The following NFIC variants were observed in gnomAD, a reference collection of about 807,000 sequenced individuals.
NFIC encodes nuclear factor 1 C-type.
Under a neutral mutation model 54.4 loss-of-function variants are expected in NFIC, and 12 were observed. The ratio of observed to expected loss-of-function variants is 0.22; its 90% confidence interval spans 0.14 to 0.36. NFIC has a LOEUF of 0.36. NFIC is among the 10% of genes least tolerant of loss of function. The probability of loss-of-function intolerance (pLI) is 1.00; values close to 1 mark genes in which losing one functional copy is unlikely to be tolerated. For synonymous variants in NFIC, 322 were observed against 319.2 expected, an observed-to-expected ratio of 1.01 and a Z score of -0.09; for missense variants, 575 against 718.2, an observed-to-expected ratio of 0.80 and a Z score of 2.28.
intron 1 of NFIC, among the ~76,000 whole-genome samples, chr19:3,381,180 A>T (rs1030510094): frequency 6.6e-6 from 1 of 152,024 alleles, no homozygotes. Context: ...GGCGGATCAG[A>T]GGTCAGGAGA....
At chr19:3,363,269 ATTTTTTTTTT>A (rs1178364391), upstream of NFIC, among the ~76,000 whole-genome samples, 1 of 36,696 alleles carries the variant, frequency 2.7e-5, no homozygotes, top group Admixed American at 3.7e-4. Context: ...ATATATATAT[ATTTTTTTTTT>A]TTTTTTTTTT....
rs376009686 is a variant in NFIC at position 3,383,678 on chromosome 19, C to T, written c.562+1435C>T. Reference sequence around the variant, plus strand: ...CCATCCAGGCCGTGTCTGGAGCACGCGTGAACCCCCACACACCCAGGGGCT... The same window carrying T: ...CCATCCAGGCCGTGTCTGGAGCACGTGTGAACCCCCACACACCCAGGGGCT... On this transcript the variant is annotated intron_variant, in intron 2 of 10. Transcript: ENST00000443272. Among the ~76,000 whole-genome samples, 48 of 152,284 alleles carry T rather than the reference C, an allele frequency of 3.2e-4. No homozygotes were observed. In the Middle Eastern group the frequency reaches 0.01, roughly 32 times the overall value.
intron 2 of NFIC, among the ~76,000 whole-genome samples, chr19:3,387,591 G>C (rs944183981): frequency 6.6e-6 from 1 of 152,152 alleles, no homozygotes; most frequent in African/African-American, 2.4e-5. Context: ...GGGCCACTCT[G>C]GATGGGGAGG....
At chr19:3,362,630 GGTGT>G (rs1237343398), upstream of NFIC, among the ~76,000 whole-genome samples, 2 of 151,968 alleles carry the variant, frequency 1.3e-5, no homozygotes, top group South Asian at 2.1e-4. Context: ...CGTAGTGTGT[GGTGT>G]GTGTGTCTAT....
intron 7 of NFIC, among the ~76,000 whole-genome samples, chr19:3,449,636 T>C (rs1599714218): frequency 1.3e-5 from 2 of 151,534 alleles, no homozygotes; most frequent in African/African-American, 4.9e-5. Flanking sequence ...GGCACGCACC[T>C]GTAGTCCCAG....
chr19:3,408,719 A>G (rs1011097678), intron 2 of NFIC, among the ~76,000 whole-genome samples: 1 of 152,118 alleles, frequency 6.6e-6, no homozygotes, highest in Non-Finnish European at 1.5e-5. Context: ...CTCCTGCCTC[A>G]GCCTCCCGAG....
At chr19:3,435,419 G>A (rs2082185521) in intron 6 of NFIC, among the ~76,000 whole-genome samples, 1 of 152,224 alleles carries the variant, frequency 6.6e-6, no homozygotes, top group Admixed American at 6.5e-5. Flanking sequence ...CCGCTGCGGC[G>A]AAGGAGGGCA....
chr19:3,434,847 C>T (rs1246786083), intron 5 of NFIC, among the ~76,000 whole-genome samples: 1 of 152,198 alleles, frequency 6.6e-6, no homozygotes, highest in African/African-American at 2.4e-5. Flanking sequence ...AGCTTGGTGT[C>T]CGACCTGTGT....
At chr19:3,417,964 A>G (rs893850808) in intron 2 of NFIC, among the ~76,000 whole-genome samples, 12 of 19,948 alleles carry the variant, frequency 6.0e-4, no homozygotes, top group Non-Finnish European at 1.3e-3. Context: ...AGGGCCACAC[A>G]GTGCACTAGA....
intron 1 of NFIC, among the ~76,000 whole-genome samples, chr19:3,378,497 G>A (rs4806923): frequency 0.058 from 8,801 of 152,232 alleles, 402 homozygotes; most frequent in East Asian, 0.22. Context: ...GCCTCCCACT[G>A]CCCCACATTT....
chr19:3,447,606 G>A (rs1455025352), intron 6 of NFIC, among the ~76,000 whole-genome samples: 1 of 152,232 alleles, frequency 6.6e-6, no homozygotes, highest in East Asian at 1.9e-4. Flanking sequence ...GATCTGGGAC[G>A]GCCATGGGCT....
intron 6 of NFIC, among the ~76,000 whole-genome samples, chr19:3,436,298 A>G (rs891033698): frequency 1.3e-4 from 17 of 134,992 alleles, no homozygotes; most frequent in African/African-American, 4.7e-4. Context: ...GCATACTGCC[A>G]TGCGCCGTTA....
At chr19:3,456,322 G>A (rs369435518) in intron 9 of NFIC, among the ~76,000 whole-genome samples, 5 of 152,210 alleles carry the variant, frequency 3.3e-5, no homozygotes, top group Admixed American at 1.3e-4. Context: ...GATCTCAGCC[G>A]TGACCCCCGG....
At chr19:3,394,790 A>G (rs2081436550) in intron 2 of NFIC, among the ~76,000 whole-genome samples, 1 of 151,840 alleles carries the variant, frequency 6.6e-6, no homozygotes, top group Non-Finnish European at 1.5e-5. Flanking sequence ...GGGTGCCCCT[A>G]CGAGCATGAA....
chr19:3,395,453 C>T (rs376910940), intron 2 of NFIC, among the ~76,000 whole-genome samples: 12 of 144,342 alleles, frequency 8.3e-5, no homozygotes, highest in Admixed American at 4.9e-4. Context: ...CCTCCTAAGT[C>T]GCTGGGGCTG....
At chr19:3,406,937 C>A (rs957542076) in intron 2 of NFIC, among the ~76,000 whole-genome samples, 7 of 147,452 alleles carry the variant, frequency 4.7e-5, no homozygotes, top group African/African-American at 1.7e-4. Context: ...GAGGCAGGAC[C>A]GTGCCTGGTG....
intron 2 of NFIC, among the ~76,000 whole-genome samples, chr19:3,398,853 C>T (rs1429636112): frequency 6.6e-6 from 1 of 152,240 alleles, no homozygotes; most frequent in Non-Finnish European, 1.5e-5. Flanking sequence ...GGACCGGCGT[C>T]CCCCGCGGCT....
chr19:3,455,100 C>T (rs1474211158), intron 9 of NFIC, among the ~76,000 whole-genome samples: 3 of 152,238 alleles, frequency 2.0e-5, no homozygotes, highest in African/African-American at 7.2e-5. Flanking sequence ...GTCAGGGAGG[C>T]AGAGAGGACA....
Position 3,464,195 on chromosome 19 carries a change from T to A in NFIC, c.*1426T>A. ...CGCCTACCCCGACGCGGGGCCCAGC[T>A]GCGGGACGTGCATCACGGCTGGGCC... On this transcript the variant is annotated 3_prime_UTR_variant, in exon 11 of 11. Transcript: ENST00000443272. 1.0e-6 allele frequency: 1 copy of A among 985,340 alleles called. No homozygotes were observed. The highest frequency in any genetic ancestry group is 1.2e-6 in the Non-Finnish European group (1 of 829,902). 61.0% of individuals were successfully genotyped at this position (985,340 alleles called of 1,614,324 possible).
Sources: gnomAD v4.1 joint callset for allele counts (sites outside exome capture counted in the v4.1 genomes callset) on GRCh38, gnomAD v4.1.1 for gene constraint, MANE v1.5 for transcripts, NCBI Gene and HGNC (gene_info 2026-07-23, HGNC 2026-07-21) for gene names.